The following ANXA6 variants were observed in gnomAD, a reference collection of about 807,000 sequenced individuals.
The protein encoded by ANXA6 is 67 kDa calelectrin.
A neutral mutation model predicts 95.4 loss-of-function variants in ANXA6; 71 were observed. The observed-to-expected ratio is 0.74, with a 90% CI of 0.61 to 0.91. ANXA6 has a LOEUF of 0.91. Ranked by LOEUF, ANXA6 falls within the 40% of genes least tolerant of loss-of-function variation. ANXA6 has a pLI of 0.00. For missense variants in ANXA6, 830 were observed against 876.4 expected (o/e 0.95, Z 0.67); for synonymous variants, 289 against 315.9 (o/e 0.91, Z 0.90).
At chr5:151,149,541 C>T (rs1025839299) in intron 1 of ANXA6, among the ~76,000 whole-genome samples, 3 of 152,074 alleles carry the variant, frequency 2.0e-5, no homozygotes, top group African/African-American at 7.2e-5. Context: ...GGCTGGAGTG[C>T]AGTGGCGCAA....
chr5:151,114,850 T>C (rs947146154), intron 20 of ANXA6, among the ~76,000 whole-genome samples: 1 of 152,144 alleles, frequency 6.6e-6, no homozygotes, highest in African/African-American at 2.4e-5. Flanking sequence ...GAGGGTGTTC[T>C]AGACATCCAG....
At chr5:151,147,494 G>T (rs1179828138) in intron 2 of ANXA6, among the ~76,000 whole-genome samples, 1 of 152,188 alleles carries the variant, frequency 6.6e-6, no homozygotes, top group Non-Finnish European at 1.5e-5. Flanking sequence ...CAGAATGGAA[G>T]CCTGGAGCTG....
At chr5:151,129,589 T>C in intron 11 of ANXA6, 60 bp from the exon 12 acceptor site, 1 of 1,515,120 alleles carries the variant, frequency 6.6e-7, no homozygotes, top group Non-Finnish European at 8.9e-7. Flanking sequence ...TGCTGATAGC[T>C]CCCAGCTTAG....
chr5:151,101,446 C>T lies in ANXA6; in HGVS notation c.*2G>A. 1 of 1,555,702 alleles carries T rather than the reference C, an allele frequency of 6.4e-7. No individual in the cohort carries two copies. The highest frequency in any genetic ancestry group is 8.7e-7 in the Non-Finnish European group (1 of 1,149,616). On this transcript the variant is annotated 3_prime_UTR_variant, in exon 26 of 26. Transcript: ENST00000354546. ...GCAGAAGTGCCCGCCAAAGCTGTGG[C>T]CCTAGTCCTCACCACCACAGAGAGC...
chr5:151,119,231 G>A, intron 18 of ANXA6, 69 bp downstream of exon 18: 2 of 1,304,000 alleles, frequency 1.5e-6, no homozygotes, highest in Non-Finnish European at 2.2e-6. Flanking sequence ...GCAGAGCTGT[G>A]GGCTGGGGTT....
chr5:151,115,244 T>G (rs1764965016), intron 20 of ANXA6, among the ~76,000 whole-genome samples: 1 of 152,192 alleles, frequency 6.6e-6, no homozygotes, highest in Non-Finnish European at 1.5e-5. Context: ...TATGCCACAA[T>G]ACTGACAATG....
intron 15 of ANXA6, 37 bp from the exon 16 acceptor site, chr5:151,123,048 T>A: frequency 6.3e-7 from 1 of 1,577,922 alleles, no homozygotes; most frequent in South Asian, 1.1e-5. Flanking sequence ...GAAGAAGGCC[T>A]GTGGCTCTCG....
intron 20 of ANXA6, among the ~76,000 whole-genome samples, chr5:151,114,441 G>A (rs1452164781): frequency 6.6e-6 from 1 of 151,552 alleles, no homozygotes; most frequent in African/African-American, 2.4e-5. Flanking sequence ...ATGAAATCCT[G>A]TCTCTACTAA....
At chr5:151,126,600 C>A (rs991821883) in intron 13 of ANXA6, 120 bp from the exon 14 acceptor site, 10 of 757,958 alleles carry the variant, frequency 1.3e-5, no homozygotes, top group Non-Finnish European at 2.2e-5. Context: ...GTGCACACAC[C>A]ACACACACAT....
chr5:151,110,191 G>C (rs1764810509), intron 21 of ANXA6, among the ~76,000 whole-genome samples: 1 of 152,220 alleles, frequency 6.6e-6, no homozygotes, highest in Non-Finnish European at 1.5e-5. Flanking sequence ...CTTTCTGCAA[G>C]CCCCTCTGGG....
At chr5:151,148,193 T>C (rs2113956940) in intron 1 of ANXA6, among the ~76,000 whole-genome samples, 1 of 152,170 alleles carries the variant, frequency 6.6e-6, no homozygotes, top group East Asian at 1.9e-4. Context: ...ACTGACCCCT[T>C]GACTCCTCCA....
chr5:151,111,526 AT>A (rs1179377730), intron 20 of ANXA6, among the ~76,000 whole-genome samples: 2 of 152,364 alleles, frequency 1.3e-5, no homozygotes, highest in East Asian at 3.9e-4. Context: ...ATTGCTAGGA[AT>A]TTGCCCTACA....
chr5:151,124,530 G>C (rs534036573), intron 14 of ANXA6, among the ~76,000 whole-genome samples, 163 bp from the exon 15 acceptor site: 2 of 146,878 alleles, frequency 1.4e-5, no homozygotes, highest in African/African-American at 5.2e-5. Context: ...GACCCTGCAC[G>C]AGAGCTGAGA....
chr5:151,139,498 C>A, intron 3 of ANXA6, 51 bp from the exon 4 acceptor site: 1 of 1,334,380 alleles, frequency 7.5e-7, no homozygotes, highest in Non-Finnish European at 1.1e-6. Context: ...CTCCAGGAAG[C>A]CCACCAGGGC....
intron 12 of ANXA6, 166 bp from the exon 13 acceptor site, chr5:151,128,405 C>T (rs918947988): frequency 3.6e-5 from 22 of 613,430 alleles, no homozygotes; most frequent in Admixed American, 8.3e-5. Flanking sequence ...TGGTTCTCAG[C>T]GGGCAGGTTG....
At chr5:151,119,249 G>T in intron 18 of ANXA6, 51 bp downstream of exon 18, 2 of 1,486,646 alleles carry the variant, frequency 1.3e-6, no homozygotes, top group Non-Finnish European at 1.9e-6. Context: ...GTTGGAAGTT[G>T]GGGGGCCTGG....
chr5:151,106,668 C>T (rs1361898794), intron 23 of ANXA6, among the ~76,000 whole-genome samples: 1 of 152,186 alleles, frequency 6.6e-6, no homozygotes, highest in African/African-American at 2.4e-5. Flanking sequence ...CAAATCCCAT[C>T]CTTCAAGGCT....
At position 151,128,269 on chromosome 5, in the gene ANXA6, C is replaced by G; in HGVS notation, c.919-30G>C. On this transcript the variant is annotated intron_variant, in intron 12 of 25. Coordinates refer to ENST00000354546, the MANE Select transcript of ANXA6 (RefSeq NM_001155.5). Reference sequence around the variant, plus strand: ...AGAGAAAGAAAGAAAGGTTACCTCTCACCCAGCCCTGGGCTCCTCTCAGAC... The same window carrying G: ...AGAGAAAGAAAGAAAGGTTACCTCTGACCCAGCCCTGGGCTCCTCTCAGAC... The G allele has an allele frequency of 2.5e-6, 4 of 1,582,116 alleles. No individual in the cohort carries two copies. In the South Asian group the frequency reaches 4.6e-5, roughly 18 times the overall value.
At chr5:151,128,898 A>G (rs17728511) in intron 12 of ANXA6, among the ~76,000 whole-genome samples, 7,549 of 150,982 alleles carry the variant, frequency 0.05, 350 homozygotes, top group South Asian at 0.19. Context: ...GGAGAATACA[A>G]CTTGGATCTC....
Sources: allele counts gnomAD v4.1 joint callset (sites outside exome capture counted in the v4.1 genomes callset), GRCh38; gene constraint gnomAD v4.1.1; transcripts MANE v1.5; gene names NCBI Gene and HGNC (gene_info 2026-07-23, HGNC 2026-07-21).